The following SLC4A4 variants were observed in gnomAD, a reference collection of about 807,000 sequenced individuals.
The protein encoded by SLC4A4 is electrogenic sodium bicarbonate cotransporter 1.
A neutral mutation model predicts 111.5 loss-of-function variants in SLC4A4; 27 were observed. The observed-to-expected ratio is 0.24, with a 90% CI of 0.18 to 0.33. The LOEUF is 0.33. Ranked by LOEUF, SLC4A4 falls within the 10% of genes least tolerant of loss-of-function variation. SLC4A4 has a pLI of 1.00. For synonymous variants in SLC4A4, 443 were observed against 463.4 expected, an observed-to-expected ratio of 0.96 and a Z score of 0.57; for missense variants, 909 against 1,315.5, an observed-to-expected ratio of 0.69 and a Z score of 4.78.
At chr4:71,155,866 ATGTC>A (rs1273968971) in intron 2 of SLC4A4, among the ~76,000 whole-genome samples, 1 of 152,176 alleles carries the variant, frequency 6.6e-6, no homozygotes, top group Non-Finnish European at 1.5e-5. Context: ...ATTAGAATAA[ATGTC>A]TGTATTTTTT....
At chr4:71,265,539 GA>G (rs1348352853) in intron 3 of SLC4A4, among the ~76,000 whole-genome samples, 1 of 152,072 alleles carries the variant, frequency 6.6e-6, no homozygotes, top group Non-Finnish European at 1.5e-5. Context: ...GAAAGACAAT[GA>G]GATTAAAGAA....
intron 1 of SLC4A4, among the ~76,000 whole-genome samples, chr4:71,086,703 A>G (rs950170363): frequency 1.3e-5 from 2 of 152,000 alleles, no homozygotes; most frequent in African/African-American, 4.8e-5. Flanking sequence ...ATGCTGGATT[A>G]TGTTTATTGA....
intron 1 of SLC4A4, among the ~76,000 whole-genome samples, chr4:71,210,487 A>G (rs1718068345): frequency 1.3e-5 from 2 of 152,226 alleles, no homozygotes; most frequent in Non-Finnish European, 1.5e-5. Flanking sequence ...TGTATGTGTT[A>G]AAATGCATAA....
chr4:71,169,811 AT>A (rs1410877204), intron 2 of SLC4A4, among the ~76,000 whole-genome samples: 1 of 152,198 alleles, frequency 6.6e-6, no homozygotes, highest in Non-Finnish European at 1.5e-5. Flanking sequence ...CGGATTCTAA[AT>A]TTGATCATGT....
At chr4:71,282,500 G>T (rs1250901749) in intron 3 of SLC4A4, among the ~76,000 whole-genome samples, 1 of 151,738 alleles carries the variant, frequency 6.6e-6, no homozygotes, top group East Asian at 1.9e-4. Context: ...GGTCAGGCTG[G>T]TCACGAACAC....
At chr4:71,491,038 TA>T (rs36109654) in intron 15 of SLC4A4, among the ~76,000 whole-genome samples, 82,934 of 151,584 alleles carry the variant, frequency 0.55, 26,398 homozygotes, top group Non-Finnish European at 0.73. Flanking sequence ...CTATGATTTT[TA>T]TAGGGTATCT....
intron 1 of SLC4A4, among the ~76,000 whole-genome samples, chr4:71,088,695 G>T (rs60269837): frequency 0.11 from 16,616 of 151,766 alleles, 1,347 homozygotes; most frequent in African/African-American, 0.22. Context: ...AAATTCTGGG[G>T]TGAAAATTCT....
rs34752911 is a variant in SLC4A4 at position 71,390,285 on chromosome 4, T to C, written c.731-7292T>C. 7.3e-3 allele frequency among the ~76,000 whole-genome samples: 1,115 copies of C among 152,282 alleles called. 5 individuals are homozygous for C. The highest frequency in any genetic ancestry group is 0.016 in the South Asian group (78 of 4,824). ...CTTTGTCCCATTTTATTCCTGTTTT[T>C]AGTGAGTGAAATGGGAAGAAATTAG... On this transcript the variant is annotated intron_variant, in intron 6 of 25. Coordinates refer to ENST00000264485, the MANE Select transcript of SLC4A4 (RefSeq NM_001098484.3).
At chr4:71,205,418 C>A (rs1717691506) in intron 1 of SLC4A4, among the ~76,000 whole-genome samples, 2 of 152,166 alleles carry the variant, frequency 1.3e-5, no homozygotes, top group Non-Finnish European at 2.9e-5. Context: ...AAGGCCCCCC[C>A]ATCCCCCAAA....
intron 7 of SLC4A4, among the ~76,000 whole-genome samples, chr4:71,409,812 T>C (rs1721197201): frequency 6.6e-6 from 1 of 152,042 alleles, no homozygotes; most frequent in Non-Finnish European, 1.5e-5. Flanking sequence ...AGAGGCCCAG[T>C]AGGAAAAAGT....
chr4:71,295,588 A>T (rs1462817475), intron 3 of SLC4A4, among the ~76,000 whole-genome samples: 1 of 152,082 alleles, frequency 6.6e-6, no homozygotes, highest in Non-Finnish European at 1.5e-5. Flanking sequence ...TAAATCAAAG[A>T]TGCTTATTTA....
intron 24 of SLC4A4, among the ~76,000 whole-genome samples, chr4:71,565,609 A>C (rs1737401675): frequency 6.6e-6 from 1 of 151,846 alleles, no homozygotes. Context: ...GTTTTGAACT[A>C]AGCTCATGCA....
intron 18 of SLC4A4, among the ~76,000 whole-genome samples, chr4:71,537,025 C>T (rs1166366765): frequency 1.3e-5 from 2 of 151,358 alleles, no homozygotes; most frequent in East Asian, 3.9e-4. Flanking sequence ...TCCTTTCTTA[C>T]CACGATCTAC....
chr4:71,248,788 T>C (rs1720859101), intron 2 of SLC4A4, among the ~76,000 whole-genome samples: 1 of 152,202 alleles, frequency 6.6e-6, no homozygotes, highest in Non-Finnish European at 1.5e-5. Flanking sequence ...TAATGGAAAC[T>C]TCAAAGGAAG....
chr4:71,500,429 T>G (rs1730805817), intron 16 of SLC4A4, among the ~76,000 whole-genome samples: 1 of 152,184 alleles, frequency 6.6e-6, no homozygotes, highest in South Asian at 2.1e-4. Context: ...ATGTTTTCTT[T>G]TAATAATTTT....
intron 2 of SLC4A4, among the ~76,000 whole-genome samples, chr4:71,106,925 A>AAAATAAATAAATAAATACATAAAT (rs1742944142): frequency 6.6e-6 from 1 of 150,894 alleles, no homozygotes; most frequent in African/African-American, 2.4e-5. Context: ...AAGTATAATA[A>AAAATAAATAAATAAATACATAAAT]AAATAAATAA....
intron 1 of SLC4A4, among the ~76,000 whole-genome samples, chr4:71,088,712 T>G (rs1276467023): frequency 6.6e-6 from 1 of 152,044 alleles, no homozygotes; most frequent in Non-Finnish European, 1.5e-5. Flanking sequence ...TTCTTTTCTT[T>G]AAGAATGTTG....
At chr4:71,447,846 A>G in intron 9 of SLC4A4, 113 bp downstream of exon 9, 1 of 756,982 alleles carries the variant, frequency 1.3e-6, no homozygotes, top group Non-Finnish European at 2.4e-6. Flanking sequence ...AGACTTCCTT[A>G]TAGCATGAGG....
At chr4:71,562,727 T>C (rs1460758324) in intron 23 of SLC4A4, among the ~76,000 whole-genome samples, 1 of 151,870 alleles carries the variant, frequency 6.6e-6, no homozygotes, top group Non-Finnish European at 1.5e-5. Context: ...TGTCTTTTAA[T>C]TGGGGCATTT....
Sources: allele counts gnomAD v4.1 joint callset (sites outside exome capture counted in the v4.1 genomes callset), GRCh38; gene constraint gnomAD v4.1.1; transcripts MANE v1.5; gene names NCBI Gene and HGNC (gene_info 2026-07-23, HGNC 2026-07-21).